TOMM70: variants seen among roughly 807,000 people sequenced by gnomAD.
TOMM70 encodes the protein mitochondrial import receptor subunit TOM70.
A neutral mutation model predicts 73.6 loss-of-function variants in TOMM70; 13 were observed. The observed-to-expected ratio is 0.18, with a 90% confidence interval of 0.11 to 0.28. TOMM70 has a LOEUF of 0.28. Ranked by LOEUF, TOMM70 falls within the 10% of genes least tolerant of loss-of-function variation. The pLI, the probability that TOMM70 is intolerant of heterozygous loss-of-function variation, is 1.00. For missense variants in TOMM70, 609 were observed against 747.5 expected (o/e 0.81, Z 2.16); for synonymous variants, 257 against 271.2 (o/e 0.95, Z 0.51).
intron 6 of TOMM70, among the ~76,000 whole-genome samples, chr3:100,375,895 T>C (rs1055638040): frequency 3.3e-5 from 5 of 152,022 alleles, no homozygotes; most frequent in African/African-American, 1.2e-4. Flanking sequence ...TACCTAGGAG[T>C]GGAATTACTA....
At chr3:100,369,565 ATC>A (rs958448090) in intron 9 of TOMM70, among the ~76,000 whole-genome samples, 4 of 150,918 alleles carry the variant, frequency 2.7e-5, no homozygotes, top group East Asian at 2.0e-4. Flanking sequence ...TAGTGGCGCA[ATC>A]TCTGTTTTCT....
chr3:100,374,947 T>C lies in TOMM70; in HGVS notation c.1227+71A>G, dbSNP rs111950764. On this transcript the variant is annotated intron_variant, in intron 7 of 11. Transcript: ENST00000284320. ...TATAAGAAAACTCAAGAAAATTACA[T>C]AAGAAATTCTCAAAAATGGTATCAA... 1.2e-4 allele frequency: 169 copies of C among 1,426,466 alleles called. No individual in the cohort carries two copies. The African/African-American group carries it at 2.1e-3, about 18-fold the overall frequency. The allele number at this position is 1,426,466 out of a possible 1,614,324, so 88.4% of individuals were successfully genotyped here.
intron 7 of TOMM70, 73 bp downstream of exon 7, chr3:100,374,945 C>G: frequency 1.4e-6 from 2 of 1,421,306 alleles, no homozygotes; most frequent in Non-Finnish European, 1.9e-6. Context: ...AAGAAAATTA[C>G]ATAAGAAATT....
chr3:100,383,522 C>CA (rs61429707), intron 4 of TOMM70, among the ~76,000 whole-genome samples: 32,251 of 136,416 alleles, frequency 0.24, 4,080 homozygotes, highest in Middle Eastern at 0.36. Flanking sequence ...AAAAAACAAA[C>CA]AAAAAAAAAA....
intron 9 of TOMM70, 36 bp downstream of exon 9, chr3:100,372,570 T>C (rs754395967): frequency 1.3e-6 from 2 of 1,492,010 alleles, no homozygotes; most frequent in Non-Finnish European, 1.9e-6. Context: ...GGCATATGTA[T>C]GCAGTTATTT....
chr3:100,364,978 G>A lies in TOMM70; in HGVS notation c.*586C>T, dbSNP rs1706431851. Reference sequence around the variant, plus strand: ...ATCCATTAGAGTGGAAAGGGGCCAAGAGGATTAATAAGTGCCACCAAGTTT... The same window carrying A: ...ATCCATTAGAGTGGAAAGGGGCCAAAAGGATTAATAAGTGCCACCAAGTTT... On this transcript the variant is annotated 3_prime_UTR_variant, in exon 12 of 12. Coordinates refer to ENST00000284320, the MANE Select transcript of TOMM70 (RefSeq NM_014820.5). 6.6e-6 allele frequency: 1 copy of A among 152,498 alleles called. No homozygotes were observed. The highest frequency in any genetic ancestry group is 1.5e-5 in the Non-Finnish European group (1 of 68,274). The allele number at this position is 152,498 out of a possible 1,614,324, so 9.4% of individuals were successfully genotyped here. A position where few individuals can be genotyped will look rare whatever the true frequency, so the allele number is the denominator to read the frequency against.
intron 3 of TOMM70, among the ~76,000 whole-genome samples, chr3:100,385,720 G>A (rs914123613): frequency 6.6e-6 from 1 of 152,082 alleles, no homozygotes; most frequent in Non-Finnish European, 1.5e-5. Context: ...TTCCAATTAG[G>A]TGTAAATTAG....
intron 7 of TOMM70, 57 bp from the exon 8 acceptor site, chr3:100,373,702 G>A: frequency 8.5e-7 from 1 of 1,177,014 alleles, no homozygotes; most frequent in Non-Finnish European, 1.3e-6. Context: ...AGTATGTTCA[G>A]TGTCTCATCT....
intron 10 of TOMM70, among the ~76,000 whole-genome samples, chr3:100,368,751 GT>G (rs1413487356): frequency 6.6e-6 from 1 of 151,918 alleles, no homozygotes; most frequent in African/African-American, 2.4e-5. Context: ...ATTTTTTGTA[GT>G]TTTAGTAGAC....
chr3:100,396,857 C>T (rs1162843578), intron 1 of TOMM70, among the ~76,000 whole-genome samples: 1 of 152,172 alleles, frequency 6.6e-6, no homozygotes, highest in East Asian at 1.9e-4. Flanking sequence ...ATCCTTTGCA[C>T]TTCCTTTACA....
At chr3:100,395,920 T>C (rs1263316547) in intron 1 of TOMM70, among the ~76,000 whole-genome samples, 4 of 151,760 alleles carry the variant, frequency 2.6e-5, no homozygotes, top group African/African-American at 7.3e-5. Flanking sequence ...TAAAATCACA[T>C]AGTGGTGTGC....
In TOMM70 at chr3:100,386,810, G is replaced by C. The variant is rs1206453006; in HGVS notation, c.493C>G (p.Gln165Glu). ...FYQNRAAAFE[Q>E]LQKWKEVAQD... ...AAACAACCTAGAGTACATACCAACT[G>C]TTCAAAGGCAGCAGCTCTGTTTTGA... The change falls in exon 2 of 12, where the codon CAG becomes GAG. Residue 165 changes from glutamine (Q) to glutamate (E), a missense_variant. Physicochemically the swap from Gln to Glu is conservative, Grantham distance 29. Around this residue, in one of 2 missense-constraint regions of TOMM70, gnomAD observed 432 missense variants for 584.1 expected, o/e 0.74. Transcript: ENST00000284320. 4 of 1,613,886 alleles carry C rather than the reference G, an allele frequency of 2.5e-6. No individual in the cohort carries two copies. The highest frequency in any genetic ancestry group is 3.4e-6 in the Non-Finnish European group (4 of 1,179,944).
chr3:100,366,652 T>C (rs1706449855), intron 11 of TOMM70, among the ~76,000 whole-genome samples: 1 of 152,264 alleles, frequency 6.6e-6, no homozygotes, highest in African/African-American at 2.4e-5. Context: ...CCTAGGATAA[T>C]CTGCAATTTC....
rs761318998 is a variant in TOMM70, at chr3:100,386,377, T to C, written c.499-33A>G. Reference sequence around the variant, plus strand: ...TGAAAGTATTTAAAAAAAGTCACACTAAAGAAAGTACTGTTCAATAGAAAT... The same window carrying C: ...TGAAAGTATTTAAAAAAAGTCACACCAAAGAAAGTACTGTTCAATAGAAAT... On this transcript the variant is annotated intron_variant, in intron 2 of 11. Transcript: ENST00000284320. The C allele has an allele frequency of 4.4e-6, 7 of 1,578,164 alleles. No individual in the cohort carries two copies. In the Middle Eastern group the frequency reaches 1.2e-3, roughly 271 times the overall value.
intron 2 of TOMM70, 89 bp downstream of exon 2, chr3:100,386,716 G>C: frequency 7.0e-7 from 1 of 1,436,864 alleles, no homozygotes; most frequent in Non-Finnish European, 9.5e-7. Context: ...TTCAAAAAAT[G>C]TATTAGGTTT....
At chr3:100,375,405 C>T (rs1180177047) in intron 6 of TOMM70, among the ~76,000 whole-genome samples, 1 of 152,186 alleles carries the variant, frequency 6.6e-6, no homozygotes, top group Non-Finnish European at 1.5e-5. Flanking sequence ...TCACCTCCTA[C>T]TCTTCAGCCC....
intron 6 of TOMM70, among the ~76,000 whole-genome samples, chr3:100,376,940 T>C (rs1706572437): frequency 6.6e-6 from 1 of 152,088 alleles, no homozygotes; most frequent in South Asian, 2.1e-4. Context: ...AAAATAATAT[T>C]AAAGATAATA....
chr3:100,382,673 T>C (rs115127303), intron 4 of TOMM70, among the ~76,000 whole-genome samples: 55 of 152,338 alleles, frequency 3.6e-4, no homozygotes, highest in Non-Finnish European at 7.4e-4. Context: ...ACCACTTACC[T>C]GAAGCTAGAT....
intron 5 of TOMM70, among the ~76,000 whole-genome samples, 192 bp downstream of exon 5, chr3:100,381,423 A>G (rs1706632346): frequency 6.6e-6 from 1 of 152,182 alleles, no homozygotes; most frequent in South Asian, 2.1e-4. Context: ...CCAGAGAAGT[A>G]ACAGATACAT....
Sources: gnomAD v4.1 joint callset for allele counts (sites outside exome capture counted in the v4.1 genomes callset) on GRCh38, gnomAD v4.1.1 for gene constraint, gnomAD v4.1.1 regional missense constraint, MANE v1.5 for transcripts, NCBI Gene and HGNC (gene_info 2026-07-23, HGNC 2026-07-21) for gene names.